GNAQ: variants seen among roughly 807,000 people sequenced by gnomAD.
The protein encoded by GNAQ is guanine nucleotide-binding protein G(q) subunit alpha.
In GNAQ, 8 loss-of-function variants were observed where a neutral mutation model predicts 43.9. The observed-to-expected ratio is 0.18, with a 90% CI of 0.11 to 0.33. The LOEUF is 0.33. GNAQ is among the 10% of genes least tolerant of loss of function. The pLI is 1.00. For missense variants in GNAQ, 158 were observed against 450.8 expected (o/e 0.35, Z 5.88); for synonymous variants, 155 against 170.7 (o/e 0.91, Z 0.71).
chr9:77,760,026 G>A (rs1825967988), intron 5 of GNAQ, among the ~76,000 whole-genome samples: 1 of 147,400 alleles, frequency 6.8e-6, no homozygotes, highest in South Asian at 2.2e-4. Context: ...TTTCCAAAGC[G>A]CTGCAATTAC....
At chr9:77,952,335 T>G (rs550555032) in intron 1 of GNAQ, among the ~76,000 whole-genome samples, 2 of 151,816 alleles carry the variant, frequency 1.3e-5, no homozygotes, top group South Asian at 4.2e-4. Flanking sequence ...CCTTCAAAAT[T>G]TTTCCTTGCG....
At chr9:77,736,726 G>C (rs1487505021) in intron 5 of GNAQ, among the ~76,000 whole-genome samples, 1 of 152,028 alleles carries the variant, frequency 6.6e-6, no homozygotes, top group Non-Finnish European at 1.5e-5. Flanking sequence ...AGAGACTGGG[G>C]ATCAAGGAGA....
intron 2 of GNAQ, among the ~76,000 whole-genome samples, chr9:77,879,590 T>C (rs1390868522): frequency 6.6e-6 from 1 of 152,246 alleles, no homozygotes; most frequent in Non-Finnish European, 1.5e-5. Flanking sequence ...GTAATATCTG[T>C]CCAGACTTAC....
chr9:77,953,512 T>C (rs1009703558), intron 1 of GNAQ, among the ~76,000 whole-genome samples: 30 of 152,220 alleles, frequency 2.0e-4, no homozygotes, highest in African/African-American at 6.5e-4. Context: ...CAAAATCTAA[T>C]GAAGGCAAGC....
chr9:77,926,164 G>C (rs1829070281), intron 1 of GNAQ, among the ~76,000 whole-genome samples: 1 of 152,118 alleles, frequency 6.6e-6, no homozygotes, highest in Non-Finnish European at 1.5e-5. Flanking sequence ...TTCTATGACA[G>C]AGACAAATGA....
intron 1 of GNAQ, among the ~76,000 whole-genome samples, chr9:78,019,173 T>A (rs1371524024): frequency 6.6e-6 from 1 of 152,232 alleles, no homozygotes; most frequent in Non-Finnish European, 1.5e-5. Context: ...AAACACAAAC[T>A]GTTTCTCTGA....
chr9:77,989,616 G>A (rs889309574), intron 1 of GNAQ, among the ~76,000 whole-genome samples: 13 of 152,180 alleles, frequency 8.5e-5, no homozygotes, highest in Admixed American at 2.6e-4. Flanking sequence ...GCCCTGTGGC[G>A]GGCTTGCTAA....
chr9:77,936,263 T>C (rs1829230735), intron 1 of GNAQ, among the ~76,000 whole-genome samples: 1 of 152,178 alleles, frequency 6.6e-6, no homozygotes, highest in Admixed American at 6.5e-5. Context: ...GGAAGAGATA[T>C]CATAACCCAA....
chr9:77,753,293 A>C (rs1371191107), intron 5 of GNAQ, among the ~76,000 whole-genome samples: 1 of 152,084 alleles, frequency 6.6e-6, no homozygotes, highest in Non-Finnish European at 1.5e-5. Flanking sequence ...GCACGCGCAC[A>C]CACACACACC....
At chr9:77,733,114 A>C in intron 5 of GNAQ, among the ~76,000 whole-genome samples, 1 of 151,808 alleles carries the variant, frequency 6.6e-6, no homozygotes, top group Admixed American at 6.6e-5. Context: ...GGAAACATTC[A>C]CTCCAATCCT....
chr9:77,964,652 G>A (rs1052424173), intron 1 of GNAQ, among the ~76,000 whole-genome samples: 1 of 148,050 alleles, frequency 6.8e-6, no homozygotes, highest in South Asian at 2.3e-4. Flanking sequence ...CCAAATATCT[G>A]CAAACTAAAA....
intron 1 of GNAQ, among the ~76,000 whole-genome samples, chr9:78,025,906 C>G (rs193016638): frequency 1.3e-5 from 2 of 152,166 alleles, no homozygotes; most frequent in Non-Finnish European, 1.5e-5. Flanking sequence ...AAATCTGTTC[C>G]TTTTTTCTGC....
intron 5 of GNAQ, among the ~76,000 whole-genome samples, chr9:77,734,709 T>G (rs1825549772): frequency 6.6e-6 from 1 of 151,922 alleles, no homozygotes; most frequent in African/African-American, 2.4e-5. Context: ...TGACTGTGAT[T>G]CTGTGATGAT....
intron 2 of GNAQ, among the ~76,000 whole-genome samples, chr9:77,821,023 T>C (rs1403163412): frequency 6.6e-6 from 1 of 152,162 alleles, no homozygotes; most frequent in Non-Finnish European, 1.5e-5. Context: ...CACAAGACAA[T>C]GATGAAAAGG....
chr9:77,933,270 T>C (rs1334248864), intron 1 of GNAQ, among the ~76,000 whole-genome samples: 1 of 152,168 alleles, frequency 6.6e-6, no homozygotes, highest in African/African-American at 2.4e-5. Context: ...GCAATTTCAC[T>C]TCCTATGAGA....
intron 1 of GNAQ, among the ~76,000 whole-genome samples, chr9:77,993,921 G>C (rs1823538357): frequency 6.6e-6 from 1 of 152,088 alleles, no homozygotes; most frequent in Non-Finnish European, 1.5e-5. Flanking sequence ...AAAAAATCTA[G>C]AGTAAAATCC....
intron 2 of GNAQ, among the ~76,000 whole-genome samples, chr9:77,875,851 A>AT (rs776477860): frequency 3.3e-4 from 50 of 152,206 alleles, no homozygotes; most frequent in Admixed American, 7.8e-4. Context: ...CACCATTGCT[A>AT]TTTTTCAGTG....
In GNAQ at chr9:77,888,853, C is replaced by T. The variant is rs559729885; in HGVS notation, c.321+33308G>A. ...CCCTTGAGTGTCTGACGCATCAAAG[C>T]ACTAAAGCCATTTGCTCCCTCAGAG... On this transcript the variant is annotated intron_variant, in intron 2 of 6. Coordinates refer to ENST00000286548, the MANE Select transcript of GNAQ (RefSeq NM_002072.5). Among the ~76,000 whole-genome samples, 14 of 152,228 alleles carry T rather than the reference C, an allele frequency of 9.2e-5. 2 individuals carry two copies. In the South Asian group the frequency reaches 2.3e-3, roughly 25 times the overall value.
intron 2 of GNAQ, among the ~76,000 whole-genome samples, chr9:77,897,324 T>C (rs1828520377): frequency 1.3e-5 from 2 of 152,336 alleles, no homozygotes; most frequent in African/African-American, 4.8e-5. Flanking sequence ...CTTAGTAACA[T>C]GAATCCTTAC....
Sources: gnomAD v4.1 joint callset for allele counts (sites outside exome capture counted in the v4.1 genomes callset) on GRCh38, gnomAD v4.1.1 for gene constraint, MANE v1.5 for transcripts, NCBI Gene and HGNC (gene_info 2026-07-23, HGNC 2026-07-21) for gene names.